PFKFB2: variants seen among roughly 807,000 people sequenced by gnomAD.
PFKFB2 encodes the protein 6-phosphofructo-2-kinase/fructose-2,6-bisphosphatase 2.
In PFKFB2, 53 loss-of-function variants were observed where a neutral mutation model predicts 68.0. The ratio of observed to expected loss-of-function variants is 0.78; its 90% CI spans 0.63 to 0.98. The LOEUF (loss-of-function observed/expected upper bound fraction) is 0.98, where lower values mean the gene tolerates loss of function less well. Among genes scored for constraint, PFKFB2 ranks in the 50% least tolerant of loss-of-function variants. The pLI, the probability that PFKFB2 is intolerant of heterozygous loss-of-function variation, is 0.00. For synonymous variants in PFKFB2, 222 were observed against 227.6 expected (o/e 0.98, Z 0.22); for missense variants, 451 against 642.0 (o/e 0.70, Z 3.22).
At chr1:207,068,336 A>G in intron 10 of PFKFB2, 27 bp downstream of exon 10, 1 of 1,528,194 alleles carries the variant, frequency 6.5e-7, no homozygotes, top group Non-Finnish European at 8.8e-7. Flanking sequence ...GAAGGCCCAG[A>G]AAAGCCAACA....
chr1:207,060,008 G>C (rs1045298298), intron 2 of PFKFB2, among the ~76,000 whole-genome samples: 4 of 152,156 alleles, frequency 2.6e-5, no homozygotes, highest in African/African-American at 9.7e-5. Context: ...CCTGTGCAGG[G>C]CCTTCCCTCA....
At position 207,054,784 on chromosome 1, in the gene PFKFB2, A is replaced by T; in HGVS notation, c.67A>T (p.Met23Leu). The change falls in exon 2 of 15, where the codon ATG (methionine) becomes TTG (leucine). Residue 23 changes from methionine (M) to leucine (L), a missense_variant. Coordinates refer to ENST00000367080, the MANE Select transcript of PFKFB2 (RefSeq NM_006212.2). ...TGAAACCAAAACCCCAAATCTTCGA[A>T]TGTCAGAGAAGAAATGTTGTGAGTT... ...SYETKTPNLR[M>L]SEKKCSWASY... is the part of the protein sequence containing the mutation. 6.2e-7 allele frequency: 1 copy of T among 1,613,190 alleles called. No homozygotes were observed. Among genetic ancestry groups the T allele is most frequent in the South Asian group, 1.1e-5 (1 of 90,860 alleles).
At chr1:207,043,211 A>ACAACCC (rs1682512346) in intron 2 of PFKFB2, among the ~76,000 whole-genome samples, 1 of 152,306 alleles carries the variant, frequency 6.6e-6, no homozygotes, top group East Asian at 1.9e-4. Flanking sequence ...CTTCCATCAC[A>ACAACCC]CAACCCAACC....
At chr1:207,071,689 T>G in intron 14 of PFKFB2, 116 bp downstream of exon 14, 1 of 752,542 alleles carries the variant, frequency 1.3e-6, no homozygotes, top group Non-Finnish European at 2.3e-6. Flanking sequence ...GATTCAGAAC[T>G]TACGTCCAAA....
Position 207,062,088 on chromosome 1 carries a change from G to A in PFKFB2, c.211+10G>A. 6.2e-7 allele frequency: 1 copy of A among 1,614,002 alleles called. No individual in the cohort carries two copies. Among genetic ancestry groups the A allele is most frequent in the Non-Finnish European group, 8.5e-7 (1 of 1,179,910 alleles). On this transcript the variant is annotated intron_variant, in intron 3 of 14. Transcript: ENST00000367080. ...GGAGTCCCCACCAAAGGTAAGTGTG[G>A]CTCATTCCCTAGGAAAGACAATTAT...
intron 14 of PFKFB2, among the ~76,000 whole-genome samples, chr1:207,071,802 T>A (rs1683473080): frequency 6.6e-6 from 1 of 152,118 alleles, no homozygotes; most frequent in Admixed American, 6.5e-5. Flanking sequence ...GGAAATCCAA[T>A]TAAATATGGA....
At chr1:207,047,183 A>C (rs995601042) in intron 2 of PFKFB2, 1 of 152,594 alleles carries the variant, frequency 6.6e-6, no homozygotes, top group Non-Finnish European at 1.5e-5. Flanking sequence ...ATTAAGTATC[A>C]TAAGCTCATC....
chr1:207,040,923 A>ATTTTT (rs397862660), intron 1 of PFKFB2, among the ~76,000 whole-genome samples: 5 of 117,352 alleles, frequency 4.3e-5, no homozygotes, highest in African/African-American at 1.0e-4. Context: ...TTTAAAACAG[A>ATTTTT]TTTTTTTTTT....
intron 12 of PFKFB2, 136 bp from the exon 13 acceptor site, chr1:207,071,052 G>T: frequency 2.9e-6 from 2 of 697,652 alleles, no homozygotes; most frequent in South Asian, 1.8e-5. Flanking sequence ...GGGGTTTAAG[G>T]GAGGAGTTGT....
intron 2 of PFKFB2, 77 bp from the exon 3 acceptor site, chr1:207,061,876 G>A (rs374061882): frequency 2.9e-4 from 378 of 1,299,018 alleles, no homozygotes; most frequent in African/African-American, 2.0e-3. Context: ...GTGAGACTCC[G>A]TCTCAAAAAA....
intron 2 of PFKFB2, among the ~76,000 whole-genome samples, chr1:207,061,417 G>A (rs1683113694): frequency 6.6e-6 from 1 of 151,442 alleles, no homozygotes; most frequent in Admixed American, 6.6e-5. Context: ...TGGGAAAGAC[G>A]TATCTTGGTT....
upstream of PFKFB2, chr1:207,049,783 T>G (rs1682691725): frequency 6.9e-7 from 1 of 1,456,200 alleles, no homozygotes; most frequent in East Asian, 2.3e-5. Context: ...CCGAGTGTTC[T>G]CTAGCCAAGT....
At chr1:207,060,134 G>T (rs534871971) in intron 2 of PFKFB2, among the ~76,000 whole-genome samples, 2 of 152,298 alleles carry the variant, frequency 1.3e-5, no homozygotes, top group South Asian at 4.1e-4. Flanking sequence ...AGCAAGATGG[G>T]CCGGGAGGAG....
In PFKFB2 at chr1:207,075,195, A is replaced by T; in HGVS notation, c.*2824A>T. On this transcript the variant is annotated 3_prime_UTR_variant, in exon 15 of 15. Transcript: ENST00000367080. ...CTGTCATTAACCCAGCATTAGAGAC[A>T]GGTCACTGGGATGTTCATTCTGGCT... 2 of 985,472 alleles carry T rather than the reference A, an allele frequency of 2.0e-6. No homozygotes were observed. Among genetic ancestry groups the T allele is most frequent in the African/African-American group, 3.5e-5 (2 of 57,378 alleles). The allele number at this position is 985,472 out of a possible 1,614,324, so 61.0% of individuals were successfully genotyped here. A position where few individuals can be genotyped will look rare whatever the true frequency, so the allele number is the denominator to read the frequency against.
In PFKFB2 at chr1:207,069,410, G is replaced by T. The variant is rs370570633; in HGVS notation, c.988-14G>T. ...GTCTATCTCTTCAAGCCAGCTTCAA[G>T]TGGCTTTTTGCAGGGTGTGTGTGAA... On this transcript the variant is annotated splice_polypyrimidine_tract_variant and intron_variant, in intron 10 of 14. Transcript: ENST00000367080. The T allele has an allele frequency of 1.3e-5, 20 of 1,593,350 alleles. No homozygotes were observed. In the African/African-American group the frequency reaches 2.7e-4, roughly 21 times the overall value.
chr1:207,055,097 C>G (rs1338545216), intron 2 of PFKFB2: 1 of 337,618 alleles, frequency 3.0e-6, no homozygotes, highest in Non-Finnish European at 5.6e-6. Flanking sequence ...TTAGAACTAA[C>G]ATTATTGTAC....
rs758787411 is a variant in PFKFB2, at chr1:207,071,590, G to A, written c.1350+17G>A. On this transcript the variant is annotated intron_variant, in intron 14 of 14. Coordinates refer to ENST00000367080, the MANE Select transcript of PFKFB2 (RefSeq NM_006212.2). Reference sequence around the variant, plus strand: ...AAGCCAACTGTAAGTATTTTCCCACGATGAACACACCAGTTTCCCTGCCAC... The same window carrying A: ...AAGCCAACTGTAAGTATTTTCCCACAATGAACACACCAGTTTCCCTGCCAC... 7 of 1,596,222 alleles carry A rather than the reference G, an allele frequency of 4.4e-6. No individual in the cohort carries two copies. The highest frequency in any genetic ancestry group is 1.7e-4 in the Middle Eastern group (1 of 6,016).
At chr1:207,038,042 C>T (rs1365384922) in intron 1 of PFKFB2, among the ~76,000 whole-genome samples, 2 of 152,150 alleles carry the variant, frequency 1.3e-5, no homozygotes, top group Admixed American at 6.5e-5. Flanking sequence ...ACTTCCACTC[C>T]GCCCTCTTCA....
upstream of PFKFB2, chr1:207,049,644 G>C: frequency 6.2e-7 from 1 of 1,614,180 alleles, no homozygotes; most frequent in South Asian, 1.1e-5. Context: ...TTTCCCTGAC[G>C]TAACTAGAAG....
Sources: allele counts gnomAD v4.1 joint callset (sites outside exome capture counted in the v4.1 genomes callset), GRCh38; gene constraint gnomAD v4.1.1; transcripts MANE v1.5; gene names NCBI Gene and HGNC (gene_info 2026-07-23, HGNC 2026-07-21).